PCMTD1: variants seen among roughly 807,000 people sequenced by gnomAD.
PCMTD1 encodes protein-L-isoaspartate (D-aspartate) O-methyltransferase domain containing 1, also known as protein-L-isoaspartate O-methyltransferase domain-containing protein 1.
A neutral mutation model predicts 37.6 loss-of-function variants in PCMTD1; 12 were observed. That is an observed-to-expected ratio of 0.32 (90% CI 0.20 to 0.52). PCMTD1 has a LOEUF of 0.52. Among genes scored for constraint, PCMTD1 ranks in the 20% least tolerant of loss-of-function variants. The pLI is 0.97. For missense variants in PCMTD1, 235 were observed against 421.3 expected, an observed-to-expected ratio of 0.56 and a Z score of 3.87; for synonymous variants, 117 against 135.8, an observed-to-expected ratio of 0.86 and a Z score of 0.96.
At chr8:51,887,707 T>A (rs10111727) in intron 1 of PCMTD1, among the ~76,000 whole-genome samples, 1 of 148,078 alleles carries the variant, frequency 6.8e-6, no homozygotes. Context: ...TCAGTCCCAA[T>A]ATTTGAGAAC....
intron 3 of PCMTD1, among the ~76,000 whole-genome samples, chr8:51,842,837 A>G (rs1183964295): frequency 6.6e-6 from 1 of 152,170 alleles, no homozygotes; most frequent in Non-Finnish European, 1.5e-5. Context: ...CATAAAAAAA[A>G]CTGGAAGAAT....
chr8:51,849,586 C>T (rs1210766557), intron 2 of PCMTD1: 1 of 152,266 alleles, frequency 6.6e-6, no homozygotes, highest in Non-Finnish European at 1.5e-5. Context: ...GGTATCTTTA[C>T]ATAAAAAATA....
Position 51,857,840 on chromosome 8 carries a change from C to G in PCMTD1, c.307+3005G>C, listed in dbSNP as rs139503875. On this transcript the variant is annotated intron_variant, in intron 2 of 5. Coordinates refer to ENST00000522514, the MANE Select transcript of PCMTD1 (RefSeq NM_052937.4). ...ATCCTAAGAAATTTTCTGAAGAAAA[C>G]TCAATACAAAAATTAACCACGCGTG... Among the ~76,000 whole-genome samples the G allele has an allele frequency of 2.3e-3, 343 of 152,088 alleles. 1 individual carries two copies. Among genetic ancestry groups the G allele is most frequent in the African/African-American group, 8.0e-3 (334 of 41,504 alleles).
chr8:51,877,817 T>C (rs185894522), intron 1 of PCMTD1, among the ~76,000 whole-genome samples: 1 of 152,344 alleles, frequency 6.6e-6, no homozygotes, highest in Admixed American at 6.5e-5. Flanking sequence ...ACAGGTTATA[T>C]ATAAATGGCA....
At chr8:51,833,965 A>G (rs918905449) in intron 3 of PCMTD1, among the ~76,000 whole-genome samples, 6 of 152,192 alleles carry the variant, frequency 3.9e-5, no homozygotes, top group African/African-American at 1.2e-4. Context: ...AAATATAATG[A>G]AAAGTCCATC....
intron 1 of PCMTD1, among the ~76,000 whole-genome samples, chr8:51,868,357 G>A (rs1378417105): frequency 6.6e-6 from 1 of 152,046 alleles, no homozygotes; most frequent in Non-Finnish European, 1.5e-5. Context: ...TGAATAAAAA[G>A]GAAAAGCAGC....
At chr8:51,832,167 C>T (rs1238669406) in intron 4 of PCMTD1, among the ~76,000 whole-genome samples, 1 of 151,902 alleles carries the variant, frequency 6.6e-6, no homozygotes, top group Non-Finnish European at 1.5e-5. Flanking sequence ...AAAAGCAGCT[C>T]GTTATTACAT....
intron 2 of PCMTD1, among the ~76,000 whole-genome samples, chr8:51,847,463 C>T (rs1328668337): frequency 6.6e-6 from 1 of 151,858 alleles, no homozygotes; most frequent in African/African-American, 2.4e-5. Context: ...CCTGTCTCTA[C>T]TAAAAATACA....
intron 5 of PCMTD1, among the ~76,000 whole-genome samples, chr8:51,829,780 C>T (rs2037973781): frequency 6.6e-6 from 1 of 151,936 alleles, no homozygotes; most frequent in Admixed American, 6.6e-5. Context: ...AAAAACAAAA[C>T]AAAACAAATA....
chr8:51,833,484 C>G (rs2038025041), intron 4 of PCMTD1, 34 bp downstream of exon 4: 1 of 1,559,756 alleles, frequency 6.4e-7, no homozygotes. Flanking sequence ...TGCTTGCTTC[C>G]TAGGCCACTA....
At chr8:51,887,169 T>G (rs1386133833) in intron 1 of PCMTD1, among the ~76,000 whole-genome samples, 1 of 152,174 alleles carries the variant, frequency 6.6e-6, no homozygotes, top group Non-Finnish European at 1.5e-5. Context: ...CTTTAATTCA[T>G]CTGCAACCTT....
chr8:51,894,278 G>A (rs2038971795), intron 1 of PCMTD1, among the ~76,000 whole-genome samples: 1 of 152,192 alleles, frequency 6.6e-6, no homozygotes, highest in South Asian at 2.1e-4. Flanking sequence ...CAGAAAGAAT[G>A]TAACTTAATA....
intron 1 of PCMTD1, among the ~76,000 whole-genome samples, chr8:51,871,741 TTA>T (rs1284683048): frequency 6.6e-6 from 1 of 152,156 alleles, no homozygotes; most frequent in African/African-American, 2.4e-5. Context: ...CACATGAAAG[TTA>T]TAGTTTTCTA....
At chr8:51,876,271 G>A (rs2038711995) in intron 1 of PCMTD1, among the ~76,000 whole-genome samples, 2 of 152,152 alleles carry the variant, frequency 1.3e-5, no homozygotes, top group Admixed American at 1.3e-4. Context: ...TGGTGTTTCT[G>A]AGGGAAAACA....
chr8:51,842,445 G>C (rs1050969344), intron 3 of PCMTD1, among the ~76,000 whole-genome samples: 2 of 151,836 alleles, frequency 1.3e-5, no homozygotes, highest in African/African-American at 2.4e-5. Flanking sequence ...CTCCCAAGTA[G>C]TTGGGAATAC....
At chr8:51,870,880 C>T (rs191528817) in intron 1 of PCMTD1, among the ~76,000 whole-genome samples, 3 of 152,084 alleles carry the variant, frequency 2.0e-5, no homozygotes, top group African/African-American at 7.2e-5. Flanking sequence ...CAGCAGGGGG[C>T]GGGCCGGGGT....
rs1354962029 is a variant in PCMTD1 at position 51,837,773 on chromosome 8, C to T, written c.411-4084G>A. Among the ~76,000 whole-genome samples, 5 of 151,364 alleles carry T rather than the reference C, an allele frequency of 3.3e-5. No individual in the cohort carries two copies. In the East Asian group the frequency reaches 9.7e-4, roughly 29 times the overall value. ...TTCTGATACTAATATCATGACTTAT[C>T]TATCTATTTATTTATTTTTATTTTG... On this transcript the variant is annotated intron_variant, in intron 3 of 5. Coordinates refer to ENST00000522514, the MANE Select transcript of PCMTD1 (RefSeq NM_052937.4).
At chr8:51,885,051 C>T (rs960749837) in intron 1 of PCMTD1, among the ~76,000 whole-genome samples, 6 of 152,110 alleles carry the variant, frequency 3.9e-5, no homozygotes, top group Admixed American at 1.3e-4. Context: ...TTTCTCTTTC[C>T]TGACTGGACC....
At chr8:51,833,067 A>T (rs2038018763) in intron 4 of PCMTD1, among the ~76,000 whole-genome samples, 1 of 151,548 alleles carries the variant, frequency 6.6e-6, no homozygotes, top group Non-Finnish European at 1.5e-5. Context: ...CTGATCTTGA[A>T]CTCCTGGGCT....
Sources: gnomAD v4.1 joint callset for allele counts (sites outside exome capture counted in the v4.1 genomes callset) on GRCh38, gnomAD v4.1.1 for gene constraint, MANE v1.5 for transcripts, NCBI Gene and HGNC (gene_info 2026-07-23, HGNC 2026-07-21) for gene names.